Variants in PCDHA5 observed in about 807,000 individuals in gnomAD.
The protein encoded by PCDHA5 is protocadherin alpha-5.
Under a neutral mutation model 61.6 loss-of-function variants are expected in PCDHA5, and 43 were observed. The ratio of observed to expected loss-of-function variants is 0.70; its 90% CI spans 0.55 to 0.90. The LOEUF (loss-of-function observed/expected upper bound fraction) is 0.90. PCDHA5 is among the 40% of genes least tolerant of loss of function. The pLI, the probability that PCDHA5 is intolerant of heterozygous loss-of-function variation, is 0.00. For missense variants in PCDHA5, 1,298 were observed against 1,222.7 expected (o/e 1.06, Z -0.92); for synonymous variants, 627 against 543.9 (o/e 1.15, Z -2.13).
chr5:140,932,430 G>A (rs1563132683), intron 1 of PCDHA5, among the ~76,000 whole-genome samples: 1 of 151,794 alleles, frequency 6.6e-6, no homozygotes, highest in East Asian at 1.9e-4. Context: ...TGTTCACCTG[G>A]AATTAAAGCA....
intron 1 of PCDHA5, among the ~76,000 whole-genome samples, chr5:140,897,369 T>C (rs183566624): frequency 0.013 from 1,702 of 128,706 alleles, 36 homozygotes; most frequent in African/African-American, 0.049. Flanking sequence ...GAGTGTGATG[T>C]TCCCTTCCCC....
At chr5:140,850,538 G>A (rs2150488632) in intron 1 of PCDHA5, 3 of 1,598,364 alleles carry the variant, frequency 1.9e-6, no homozygotes, top group Non-Finnish European at 1.7e-6. Context: ...CATCGTCGCG[G>A]GCGTCAGTGG....
chr5:140,843,845 C>A (rs1191998999), intron 1 of PCDHA5: 1 of 1,001,508 alleles, frequency 1.0e-6, no homozygotes, highest in Non-Finnish European at 1.5e-6. Context: ...TTTTTAGAAA[C>A]CTTTTATAAT....
At chr5:140,841,804 T>A in intron 1 of PCDHA5, 1 of 1,613,910 alleles carries the variant, frequency 6.2e-7, no homozygotes, top group African/African-American at 1.3e-5. Flanking sequence ...CCGATGCAGA[T>A]GTTGGAGCTA....
At chr5:140,943,608 T>C (rs1585137347) in intron 1 of PCDHA5, among the ~76,000 whole-genome samples, 1 of 152,184 alleles carries the variant, frequency 6.6e-6, no homozygotes, top group Non-Finnish European at 1.5e-5. Flanking sequence ...ATATAGACTT[T>C]GATTCATCTG....
chr5:140,945,076 C>G (rs2093735426), intron 1 of PCDHA5, among the ~76,000 whole-genome samples: 1 of 152,104 alleles, frequency 6.6e-6, no homozygotes, highest in South Asian at 2.1e-4. Flanking sequence ...TCCACCAAAA[C>G]ACTCTTGGAA....
chr5:140,862,614 C>G, intron 1 of PCDHA5: 1 of 523,252 alleles, frequency 1.9e-6, no homozygotes, highest in Non-Finnish European at 3.9e-6. Flanking sequence ...TGAAAGGTAA[C>G]AACCCGCGGG....
chr5:140,923,570 C>T (rs1554201533), intron 1 of PCDHA5, among the ~76,000 whole-genome samples: 2 of 152,136 alleles, frequency 1.3e-5, no homozygotes, highest in African/African-American at 4.8e-5. Context: ...AAAGGTCCTG[C>T]TAAAGAGAAG....
intron 1 of PCDHA5, chr5:140,828,513 T>C (rs1769799760): frequency 1.2e-6 from 2 of 1,614,200 alleles, no homozygotes; most frequent in Non-Finnish European, 1.7e-6. Flanking sequence ...CAAAGAGTGC[T>C]GATTTACGAA....
intron 1 of PCDHA5, chr5:140,857,309 G>A: frequency 6.3e-7 from 1 of 1,598,786 alleles, no homozygotes; most frequent in East Asian, 2.2e-5. Flanking sequence ...GTCGGCCTAT[G>A]AGCTGGTGGT....
In PCDHA5 at chr5:140,843,009, C is replaced by T. The variant is rs2150350021; in HGVS notation, c.2352+18882C>T. ...GTGCTGGACGAGAATGACAACGCGC[C>T]GGCACTGCTGGAGCCTCGGGTGGGT... On this transcript the variant is annotated intron_variant, in intron 1 of 3. Coordinates refer to ENST00000529859, the MANE Select transcript of PCDHA5 (RefSeq NM_018908.3). 32 of 1,595,058 alleles carry T rather than the reference C, an allele frequency of 2.0e-5. 4 individuals carry two copies. In the Middle Eastern group the frequency reaches 6.8e-4, roughly 34 times the overall value.
chr5:140,875,340 C>A, intron 1 of PCDHA5: 1 of 1,442,242 alleles, frequency 6.9e-7, no homozygotes, highest in Non-Finnish European at 9.1e-7. Flanking sequence ...AGGATCGACT[C>A]CATAATGACT....
chr5:140,843,064 G>T (rs2150351494), intron 1 of PCDHA5: 2 of 1,595,268 alleles, frequency 1.3e-6, no homozygotes, highest in Non-Finnish European at 1.7e-6. Context: ...GCAAGCTGGT[G>T]CCGCGGTCTG....
chr5:140,858,256 G>C, intron 1 of PCDHA5: 1 of 1,596,658 alleles, frequency 6.3e-7, no homozygotes, highest in Non-Finnish European at 8.6e-7. Context: ...TGAAGCCCAC[G>C]CTGGTGTGCT....
intron 1 of PCDHA5, chr5:140,841,254 A>T: frequency 6.6e-7 from 1 of 1,510,716 alleles, no homozygotes. Flanking sequence ...GGATTAAAAG[A>T]CTCTGAAAGT....
At chr5:140,829,148 A>G (rs1306050057) in intron 1 of PCDHA5, 3 of 1,613,684 alleles carry the variant, frequency 1.9e-6, no homozygotes, top group Non-Finnish European at 2.5e-6. Context: ...GATAGCACTG[A>G]CTTCCTTATC....
chr5:140,835,862 G>A, intron 1 of PCDHA5: 1 of 1,612,116 alleles, frequency 6.2e-7, no homozygotes, highest in Non-Finnish European at 8.5e-7. Context: ...TGTCCTACTC[G>A]CTGGTGGAGC....
intron 1 of PCDHA5, chr5:140,836,516 G>C: frequency 6.2e-7 from 1 of 1,613,880 alleles, no homozygotes; most frequent in Non-Finnish European, 8.5e-7. Flanking sequence ...CCAGTCTGTT[G>C]GTGCTTACCC....
At position 140,836,167 on chromosome 5, in the gene PCDHA5, G is replaced by T. The variant is rs2150254555; in HGVS notation, c.2352+12040G>T. 3.1e-6 allele frequency: 5 copies of T among 1,613,848 alleles called. No homozygotes were observed. Among genetic ancestry groups the T allele is most frequent in the Non-Finnish European group, 4.2e-6 (5 of 1,179,798 alleles). ...GCGGGCCATGTGGTGGCGAAGGTAC[G>T]TGCAGTTGACGCTGACTCAGGCTAC... On this transcript the variant is annotated intron_variant, in intron 1 of 3. Coordinates refer to ENST00000529859, the MANE Select transcript of PCDHA5 (RefSeq NM_018908.3).
Sources: allele counts gnomAD v4.1 joint callset (sites outside exome capture counted in the v4.1 genomes callset), GRCh38; gene constraint gnomAD v4.1.1; transcripts MANE v1.5; gene names NCBI Gene and HGNC (gene_info 2026-07-23, HGNC 2026-07-21).